Variants in FLT4 observed in about 807,000 individuals in gnomAD.
FLT4 encodes the protein fms related receptor tyrosine kinase 4.
A neutral mutation model predicts 163.2 loss-of-function variants in FLT4; 30 were observed. The observed-to-expected ratio is 0.18, with a 90% CI of 0.14 to 0.25. The LOEUF (loss-of-function observed/expected upper bound fraction) is 0.25. FLT4 is among the 10% of genes least tolerant of loss of function. The pLI, the probability that FLT4 is intolerant of heterozygous loss-of-function variation, is 1.00. For missense variants in FLT4, 1,510 were observed against 1,863.8 expected, an observed-to-expected ratio of 0.81 and a Z score of 3.50; for synonymous variants, 884 against 789.5, an observed-to-expected ratio of 1.12 and a Z score of -2.01.
chr5:180,637,779 C>T (rs1561753806), intron 1 of FLT4, among the ~76,000 whole-genome samples: 1 of 152,218 alleles, frequency 6.6e-6, no homozygotes. Flanking sequence ...ATCCACCTGC[C>T]TCGGCCTCTC....
intron 1 of FLT4, among the ~76,000 whole-genome samples, chr5:180,637,459 G>A (rs536689106): frequency 6.6e-6 from 1 of 152,098 alleles, no homozygotes; most frequent in East Asian, 1.9e-4. Flanking sequence ...GCCCTCCATC[G>A]TGCCCAGGGT....
Position 180,636,389 on chromosome 5 carries a change from C to G in FLT4, c.59-4611G>C, listed in dbSNP as rs978570500. On this transcript the variant is annotated intron_variant, in intron 1 of 29. Transcript: ENST00000261937. This position sits in a 1 kb window ranked among gnomAD's most constrained non-coding sequence, Gnocchi z 4.3. ...CCTGGGCGGTTACTGCCCTCCACCC[C>G]ACATGCCTGAACTCCTCGCAGCCAC... 1.3e-5 allele frequency among the ~76,000 whole-genome samples: 2 copies of G among 152,134 alleles called. No homozygotes were observed. The highest frequency in any genetic ancestry group is 4.8e-5 in the African/African-American group (2 of 41,412).
chr5:180,619,418 C>G, intron 18 of FLT4, 52 bp from the exon 19 acceptor site: 1 of 1,118,076 alleles, frequency 8.9e-7, no homozygotes, highest in Non-Finnish European at 1.2e-6. Context: ...GGTCCCCGTT[C>G]CCCGCCACCC....
Position 180,609,289 on chromosome 5 carries a change from A to C in FLT4, c.3808-236T>G, listed in dbSNP as rs1035119871. On this transcript the variant is annotated intron_variant, in intron 28 of 29. Transcript: ENST00000261937. ...GCTGTGTGTGGCCCGTGGACGCCTC[A>C]TACTTGGGGACCTCCACGGTGGCCA... 5.1e-6 allele frequency: 3 copies of C among 583,728 alleles called. No individual in the cohort carries two copies. In the African/African-American group the frequency reaches 5.6e-5, roughly 11 times the overall value. The allele number at this position is 583,728 out of a possible 1,614,324, so 36.2% of individuals were successfully genotyped here. A position where few individuals can be genotyped will look rare whatever the true frequency, so the allele number is the denominator to read the frequency against.
At chr5:180,633,804 G>C (rs10085109) in intron 1 of FLT4, among the ~76,000 whole-genome samples, 72,131 of 152,074 alleles carry the variant, frequency 0.47, 17,722 homozygotes, top group Admixed American at 0.57. Context: ...CGGATGAATA[G>C]ACTCTACCTT....
At chr5:180,611,061 A>G (rs1221313357) in intron 27 of FLT4, among the ~76,000 whole-genome samples, 2 of 152,164 alleles carry the variant, frequency 1.3e-5, no homozygotes, top group Admixed American at 6.5e-5. Flanking sequence ...CGTCTCAAAA[A>G]AATAAATAAA....
intron 1 of FLT4, among the ~76,000 whole-genome samples, chr5:180,644,954 G>A (rs959995526): frequency 6.6e-5 from 10 of 152,226 alleles, no homozygotes; most frequent in African/African-American, 1.2e-4. Context: ...CCGTCTGCCC[G>A]GAGTTCCCAG....
At chr5:180,629,065 C>G (rs2127833714) in intron 7 of FLT4, 66 bp from the exon 8 acceptor site, 13 of 1,489,256 alleles carry the variant, frequency 8.7e-6, no homozygotes, top group South Asian at 1.1e-5. Flanking sequence ...AGGGACTCCC[C>G]CCACGGCCCC....
At chr5:180,609,348 T>C (rs1561691789) in intron 28 of FLT4, 1 of 509,240 alleles carries the variant, frequency 2.0e-6, no homozygotes, top group Non-Finnish European at 3.6e-6. Context: ...GCAGGAGCCG[T>C]GGGAGAAGCA....
At chr5:180,649,649 G>A (rs992373585), upstream of FLT4, 8 of 429,136 alleles carry the variant, frequency 1.9e-5, no homozygotes, top group African/African-American at 8.5e-5. Flanking sequence ...CGGGGCGGGG[G>A]CCGGAGGCGG....
In FLT4 at chr5:180,623,519, A is replaced by T. The variant is rs975685052; in HGVS notation, c.1548+416T>A. On this transcript the variant is annotated intron_variant, in intron 11 of 29. Transcript: ENST00000261937. The surrounding 1 kb of genome is among the most constrained non-coding windows in gnomAD (Gnocchi z 5.8). Reference sequence around the variant, plus strand: ...TCTGGAGGTGTGTAGGAAAACAGGAAGTGACTGGAGGAAGTAGGTGCCTTT... The same window carrying T: ...TCTGGAGGTGTGTAGGAAAACAGGATGTGACTGGAGGAAGTAGGTGCCTTT... 6.6e-6 allele frequency among the ~76,000 whole-genome samples: 1 copy of T among 151,892 alleles called. No homozygotes were observed. The highest frequency in any genetic ancestry group is 1.5e-5 in the Non-Finnish European group (1 of 67,936).
intron 8 of FLT4, among the ~76,000 whole-genome samples, chr5:180,627,209 CCA>C (rs996218451): frequency 3.9e-5 from 6 of 152,208 alleles, no homozygotes; most frequent in African/African-American, 1.4e-4. Flanking sequence ...CAGAGATACA[CCA>C]CTGTGTCCTG....
chr5:180,621,374 C>T, intron 13 of FLT4, 122 bp from the exon 14 acceptor site: 1 of 1,417,390 alleles, frequency 7.1e-7, no homozygotes, highest in Non-Finnish European at 9.5e-7. Context: ...GTGCGCCGGG[C>T]AGGAGCGCGG....
At position 180,622,897 on chromosome 5, in the gene FLT4, C is replaced by T. The variant is rs112586069; in HGVS notation, c.1549-58G>A. The T allele has an allele frequency of 2.7e-4, 326 of 1,190,022 alleles. 1 individual carries two copies. In the African/African-American group the frequency reaches 4.6e-3, roughly 17 times the overall value. The allele number at this position is 1,190,022 out of a possible 1,614,324, so 73.7% of individuals were successfully genotyped here. On this transcript the variant is annotated intron_variant, in intron 11 of 29. Transcript: ENST00000261937. ...TGCCCAAGTTCTCCCAACCTGGGCCCTGTCTTTCTGCAAGGAGGTCGCTGT... is the reference window on the plus strand; with the variant it reads ...TGCCCAAGTTCTCCCAACCTGGGCCTTGTCTTTCTGCAAGGAGGTCGCTGT...
intron 29 of FLT4, among the ~76,000 whole-genome samples, chr5:180,607,719 T>C (rs536670820): frequency 2.0e-5 from 3 of 151,696 alleles, no homozygotes; most frequent in African/African-American, 7.3e-5. Context: ...ACAAATTAGA[T>C]AGAGAGATGA....
intron 1 of FLT4, among the ~76,000 whole-genome samples, chr5:180,637,790 A>G (rs538510844): frequency 6.6e-6 from 1 of 152,152 alleles, no homozygotes; most frequent in Non-Finnish European, 1.5e-5. Flanking sequence ...TCGGCCTCTC[A>G]AAGTGCTGGG....
rs2127791249 is a variant in FLT4 at position 180,611,371 on chromosome 5, C to T, written c.3646G>A (p.Asp1216Asn). The change falls in exon 27 of 30, where the codon GAC becomes AAC. Residue 1216 changes from aspartate to asparagine, a missense_variant. By Grantham distance (23) the Asp-to-Asn change is conservative. This residue lies in a region of FLT4 where 295 missense variants were observed against 311.0 expected (regional missense o/e 0.95). Coordinates refer to ENST00000261937, the MANE Select transcript of FLT4 (RefSeq NM_182925.5). ...TGGCGCTGCAGGCTTGGCGGGCTGT[C>T]CTCAGCGTCAGCCTGGGCGATGTGT... ...ALHIAQADAE[D>N]SPPSLQRHSL... is the part of the protein sequence containing the mutation. 6.2e-7 allele frequency: 1 copy of T among 1,613,900 alleles called. No individual in the cohort carries two copies.
rs1269527727 is a variant in FLT4, at chr5:180,615,021, C to A, written c.3220-842G>T. 3.9e-5 allele frequency among the ~76,000 whole-genome samples: 6 copies of A among 152,210 alleles called. No homozygotes were observed. The East Asian group carries it at 1.2e-3, about 29-fold the overall frequency. ...AGCGGGTCCATCTCCAGGACAGACA[C>A]CACAGAATGCTTTGCACTCTCAGGC... On this transcript the variant is annotated intron_variant, in intron 23 of 29. Coordinates refer to ENST00000261937, the MANE Select transcript of FLT4 (RefSeq NM_182925.5).
intron 1 of FLT4, among the ~76,000 whole-genome samples, chr5:180,644,382 A>G (rs1030921066): frequency 6.6e-6 from 1 of 152,208 alleles, no homozygotes; most frequent in African/African-American, 2.4e-5. Flanking sequence ...TGCTTTGTAA[A>G]GGTCTCTGGG....
Sources: allele counts gnomAD v4.1 joint callset (sites outside exome capture counted in the v4.1 genomes callset), GRCh38; gene constraint gnomAD v4.1.1; regional missense constraint gnomAD v4.1.1; non-coding constraint Gnocchi (gnomAD v3.1); transcripts MANE v1.5; gene names NCBI Gene and HGNC (gene_info 2026-07-23, HGNC 2026-07-21).